Variants in ALDH1L1 observed in about 807,000 individuals in gnomAD.
ALDH1L1 encodes aldehyde dehydrogenase 1 family member L1.
A neutral mutation model predicts 101.1 loss-of-function variants in ALDH1L1; 68 were observed. The ratio of observed to expected loss-of-function variants is 0.67; its 90% CI spans 0.55 to 0.82. The LOEUF (loss-of-function observed/expected upper bound fraction) is 0.82, where lower values mean the gene tolerates loss of function less well. Among genes scored for constraint, ALDH1L1 ranks in the 40% least tolerant of loss-of-function variants. The pLI is 0.00. For missense variants in ALDH1L1, 1,087 were observed against 1,172.7 expected, an observed-to-expected ratio of 0.93 and a Z score of 1.07; for synonymous variants, 486 against 470.8, an observed-to-expected ratio of 1.03 and a Z score of -0.42.
chr3:126,168,646 C>T (rs1039820385), intron 1 of ALDH1L1, among the ~76,000 whole-genome samples: 20 of 152,060 alleles, frequency 1.3e-4, no homozygotes, highest in Admixed American at 3.9e-4. Context: ...ACTTTAGTCT[C>T]GAGGTTGTCT....
intron 1 of ALDH1L1, among the ~76,000 whole-genome samples, chr3:126,192,608 T>A (rs1396412376): frequency 6.6e-6 from 1 of 152,188 alleles, no homozygotes; most frequent in Non-Finnish European, 1.5e-5. Flanking sequence ...AGCAGATAAG[T>A]CTTGCCCTAG....
At chr3:126,189,375 T>C (rs1183759785) in intron 1 of ALDH1L1, among the ~76,000 whole-genome samples, 2 of 152,212 alleles carry the variant, frequency 1.3e-5, no homozygotes, top group African/African-American at 2.4e-5. Context: ...TGTTCATATC[T>C]AACATGTCAT....
intron 9 of ALDH1L1, 104 bp from the exon 10 acceptor site, chr3:126,138,064 C>T: frequency 6.9e-7 from 1 of 1,448,326 alleles, no homozygotes; most frequent in Non-Finnish European, 9.4e-7. Context: ...AGGCTCCATC[C>T]CAGCACCGAG....
chr3:126,103,618 G>T lies in ALDH1L1; in HGVS notation c.*173C>A. Reference sequence around the variant, plus strand: ...CCCTGGGAGGGGCACACCTCACCCAGCCAAGGGCTGCTTCTGACTGGACAG... The same window carrying T: ...CCCTGGGAGGGGCACACCTCACCCATCCAAGGGCTGCTTCTGACTGGACAG... On this transcript the variant is annotated 3_prime_UTR_variant, in exon 23 of 23. Transcript: ENST00000393434. The T allele has an allele frequency of 1.5e-6, 1 of 663,520 alleles. No individual in the cohort carries two copies. Among genetic ancestry groups the T allele is most frequent in the Non-Finnish European group, 2.6e-6 (1 of 386,568 alleles). The allele number at this position is 663,520 out of a possible 1,614,324, so 41.1% of individuals were successfully genotyped here.
chr3:126,156,910 C>G (rs1399151450), intron 4 of ALDH1L1, among the ~76,000 whole-genome samples: 2 of 152,168 alleles, frequency 1.3e-5, no homozygotes, highest in Non-Finnish European at 2.9e-5. Flanking sequence ...GCTATAGTGG[C>G]TATCTTTCCT....
chr3:126,137,711 G>A (rs1249655568), intron 10 of ALDH1L1, 102 bp downstream of exon 10: 2 of 1,482,946 alleles, frequency 1.3e-6, no homozygotes, highest in African/African-American at 1.4e-5. Flanking sequence ...CTGGGGCCCT[G>A]GCTTTCTGAA....
intron 1 of ALDH1L1, among the ~76,000 whole-genome samples, chr3:126,174,062 G>C (rs911044785): frequency 6.6e-6 from 1 of 152,164 alleles, no homozygotes; most frequent in Non-Finnish European, 1.5e-5. Context: ...TGGGGGGGCG[G>C]AGTTTCACTC....
chr3:126,169,696 C>T (rs908271843), intron 1 of ALDH1L1, among the ~76,000 whole-genome samples: 2 of 152,180 alleles, frequency 1.3e-5, no homozygotes, highest in Non-Finnish European at 2.9e-5. Flanking sequence ...TTTAACAACT[C>T]TTATCTCAAA....
upstream of ALDH1L1, among the ~76,000 whole-genome samples, chr3:126,184,602 G>C (rs951091821): frequency 2.0e-5 from 3 of 152,322 alleles, no homozygotes; most frequent in East Asian, 3.9e-4. Context: ...CCCAGGGAAA[G>C]CAGTGTGCAC....
At chr3:126,152,856 T>C (rs886918809) in intron 7 of ALDH1L1, 2 of 170,510 alleles carry the variant, frequency 1.2e-5, no homozygotes, top group Non-Finnish European at 2.6e-5. Context: ...AAGGATATAA[T>C]ATTTATACAT....
In ALDH1L1 at chr3:126,112,820, C is replaced by G. The variant is rs369011039; in HGVS notation, c.2143G>C (p.Val715Leu). Residue 715 changes from valine to leucine, a missense_variant, in exon 19 of 23, where the codon GTG (valine) becomes CTG (leucine). Physicochemically the swap from Val to Leu is conservative, Grantham distance 32. Around this residue, in one of 2 missense-constraint regions of ALDH1L1, gnomAD observed 442 missense variants for 535.7 expected, o/e 0.83. Transcript: ENST00000393434. The stretch of plus-strand genomic sequence containing the variant: ...AACTCATCATGAATGGAGTCCTCCA[C>G]AAAGAGTCGGCCTGCTGCAATGCAA... ...ENCIAAGRLF[V>L]EDSIHDEFVR... 6.2e-7 allele frequency: 1 copy of G among 1,613,726 alleles called. No homozygotes were observed. The highest frequency in any genetic ancestry group is 8.5e-7 in the Non-Finnish European group (1 of 1,180,028).
rs780155952 is a variant in ALDH1L1 at position 126,161,018 on chromosome 3, G to T, written c.-23-16C>A. 45 of 1,613,394 alleles carry T rather than the reference G, an allele frequency of 2.8e-5. No individual in the cohort carries two copies. The highest frequency in any genetic ancestry group is 3.7e-5 in the Non-Finnish European group (44 of 1,179,762). On this transcript the variant is annotated splice_polypyrimidine_tract_variant and intron_variant, in intron 1 of 22. Transcript: ENST00000393434. ...TTGGAAGGACCTGGAGAAGGAATAA[G>T]GCAGCAATTAGACAGAGATCGCTGG... is the stretch of plus-strand genomic sequence containing the variant.
intron 1 of ALDH1L1, among the ~76,000 whole-genome samples, chr3:126,188,546 T>A (rs2081534379): frequency 6.6e-6 from 1 of 152,210 alleles, no homozygotes; most frequent in Non-Finnish European, 1.5e-5. Context: ...AAATTTAATT[T>A]AACAACCCCT....
At chr3:126,133,778 TCGGC>T (rs950193961) in intron 12 of ALDH1L1, among the ~76,000 whole-genome samples, 1 of 152,178 alleles carries the variant, frequency 6.6e-6, no homozygotes, top group African/African-American at 2.4e-5. Context: ...CCCAGCAGGC[TCGGC>T]CGGCCCTACT....
intron 1 of ALDH1L1, among the ~76,000 whole-genome samples, chr3:126,197,385 A>C (rs1364026371): frequency 6.6e-6 from 1 of 152,166 alleles, no homozygotes; most frequent in Non-Finnish European, 1.5e-5. Context: ...ACCTAAACGC[A>C]CAAGAAAAAT....
At chr3:126,131,265 A>C (rs1481924499) in intron 13 of ALDH1L1, 119 bp downstream of exon 13, 2 of 1,287,792 alleles carry the variant, frequency 1.6e-6, no homozygotes, top group African/African-American at 1.5e-5. Context: ...TGTCATTCCA[A>C]GCCACCAGTT....
intron 12 of ALDH1L1, among the ~76,000 whole-genome samples, chr3:126,131,772 C>T (rs898782629): frequency 3.3e-5 from 5 of 152,258 alleles, no homozygotes; most frequent in Admixed American, 6.5e-5. Flanking sequence ...CCCTCGCTTC[C>T]TTCCTGAAGT....
At chr3:126,157,086 C>A (rs990114286) in intron 4 of ALDH1L1, among the ~76,000 whole-genome samples, 3 of 152,106 alleles carry the variant, frequency 2.0e-5, no homozygotes, top group African/African-American at 7.2e-5. Flanking sequence ...GTCTATTGAA[C>A]GGGCCCCAAA....
intron 14 of ALDH1L1, 155 bp downstream of exon 14, chr3:126,130,068 A>C (rs1868125): frequency 1.7e-6 from 1 of 589,252 alleles, no homozygotes; most frequent in East Asian, 3.3e-5. Context: ...CCTTACAACA[A>C]TGCCTGGCAT....
Sources: allele counts gnomAD v4.1 joint callset (sites outside exome capture counted in the v4.1 genomes callset), GRCh38; gene constraint gnomAD v4.1.1; regional missense constraint gnomAD v4.1.1; transcripts MANE v1.5; gene names NCBI Gene and HGNC (gene_info 2026-07-23, HGNC 2026-07-21).